Variants in ZFAT observed in about 807,000 individuals in gnomAD.
ZFAT encodes the protein zinc finger protein ZFAT.
Under a neutral mutation model 117.7 loss-of-function variants are expected in ZFAT, and 64 were observed. That is an observed-to-expected ratio of 0.54 (90% CI 0.44 to 0.67). The LOEUF (loss-of-function observed/expected upper bound fraction) is 0.67, where lower values mean the gene tolerates loss of function less well. Ranked by LOEUF, ZFAT falls within the 30% of genes least tolerant of loss-of-function variation. The pLI, the probability that ZFAT is intolerant of heterozygous loss-of-function variation, is 0.00. For missense variants in ZFAT, 1,433 were observed against 1,584.5 expected, an observed-to-expected ratio of 0.90 and a Z score of 1.62; for synonymous variants, 679 against 615.0, an observed-to-expected ratio of 1.10 and a Z score of -1.54.
intron 2 of ZFAT, among the ~76,000 whole-genome samples, chr8:134,640,216 A>G (rs1198822153): frequency 6.6e-6 from 1 of 152,212 alleles, no homozygotes; most frequent in Non-Finnish European, 1.5e-5. Flanking sequence ...TTATTCTAGC[A>G]AATTATCAAA....
chr8:134,599,622 C>T (rs918779801), intron 7 of ZFAT: 3 of 381,360 alleles, frequency 7.9e-6, no homozygotes, highest in Admixed American at 7.0e-5. Flanking sequence ...TAGTGACAAA[C>T]TGTTATGATT....
At chr8:134,759,447 T>C in the ZFAT span, among the ~76,000 whole-genome samples, 1 of 152,216 alleles carries the variant, frequency 6.6e-6, no homozygotes, top group Non-Finnish European at 1.5e-5. Context: ...AGATTCCTAT[T>C]ATCTGGGACA....
At chr8:134,487,053 T>A (rs1484486896) in intron 15 of ZFAT, among the ~76,000 whole-genome samples, 1 of 152,214 alleles carries the variant, frequency 6.6e-6, no homozygotes, top group South Asian at 2.1e-4. Context: ...TACGTGGATA[T>A]CCATGCTTAT....
intron 1 of ZFAT, among the ~76,000 whole-genome samples, chr8:134,706,208 G>A (rs1417535034): frequency 6.6e-6 from 1 of 152,230 alleles, no homozygotes; most frequent in Non-Finnish European, 1.5e-5. Flanking sequence ...AAAAAGGCTT[G>A]TACGGGAACA....
rs770279771 is a variant in ZFAT at position 134,565,361 on chromosome 8, C to T, written c.2948G>A (p.Arg983Gln). ...GAAGGAGACATGCTGTTCCATGTGC[C>T]GCAGCAGCTGTGGCTTCTGGGCCGC... is the stretch of plus-strand genomic sequence containing the variant. ...YTAAQKPQLL[R>Q]HMEQHVSFKP... The change falls in exon 11 of 16, where the codon CGG becomes CAG. Residue 983 changes from arginine to glutamine, a missense_variant. Arg to Gln is a conservative substitution (Grantham distance 43). Transcript: ENST00000377838. The T allele has an allele frequency of 2.7e-5, 44 of 1,613,768 alleles. No individual in the cohort carries two copies. Among genetic ancestry groups the T allele is most frequent in the Middle Eastern group, 1.6e-4 (1 of 6,084 alleles).
the ZFAT span, among the ~76,000 whole-genome samples, chr8:134,721,045 A>G: frequency 6.6e-6 from 1 of 152,202 alleles, no homozygotes; most frequent in African/African-American, 2.4e-5. Context: ...ACATGAGCTC[A>G]TCCATCCCGG....
chr8:134,826,977 C>A, the ZFAT span, among the ~76,000 whole-genome samples: 39 of 152,100 alleles, frequency 2.6e-4, no homozygotes, highest in Non-Finnish European at 5.4e-4. Context: ...GAAAGAAAAC[C>A]CTTTAGGGAG....
the ZFAT span, among the ~76,000 whole-genome samples, chr8:134,813,479 T>A: frequency 6.6e-6 from 1 of 152,208 alleles, no homozygotes; most frequent in Non-Finnish European, 1.5e-5. Flanking sequence ...AATGGCGCAA[T>A]CTCAGTTCAC....
In ZFAT at chr8:134,478,607, C is replaced by T. The variant is rs1817049522; in HGVS notation, c.3607G>A (p.Glu1203Lys). The change falls in exon 16 of 16, where the codon GAG (glutamate) becomes AAG (lysine). Residue 1203 changes from glutamate (E) to lysine (K), a missense_variant. Glu to Lys is a moderately conservative substitution (Grantham distance 56). Transcript: ENST00000377838. This position sits in a 1 kb window ranked among gnomAD's most constrained non-coding sequence, Gnocchi z 5.2. Reference protein sequence around the residue: ...HHLVVSSDDVEGIETVTVYTQ... With the variant: ...HHLVVSSDDVKGIETVTVYTQ... ...TAGACAGTCACCGTCTCAATGCCCTCCACGTCGTCGGAGGACACCACCAGG... is the reference window on the plus strand; with the variant it reads ...TAGACAGTCACCGTCTCAATGCCCTTCACGTCGTCGGAGGACACCACCAGG... 1 of 1,589,542 alleles carries T rather than the reference C, an allele frequency of 6.3e-7. No individual in the cohort carries two copies. The highest frequency in any genetic ancestry group is 8.6e-7 in the Non-Finnish European group (1 of 1,168,378).
chr8:134,661,076 G>A (rs1831901498), intron 1 of ZFAT, among the ~76,000 whole-genome samples: 1 of 152,244 alleles, frequency 6.6e-6, no homozygotes, highest in Non-Finnish European at 1.5e-5. Context: ...CACGTGACGT[G>A]GGCCATGAGA....
intron 9 of ZFAT, among the ~76,000 whole-genome samples, chr8:134,586,840 C>T (rs1228050759): frequency 6.6e-6 from 1 of 152,198 alleles, no homozygotes; most frequent in Non-Finnish European, 1.5e-5. Flanking sequence ...TGGTTCAAAT[C>T]CCAGTTCCAC....
rs762107683 is a variant in ZFAT at position 134,637,703 on chromosome 8, A to C, written c.206T>G (p.Val69Gly). 7.4e-6 allele frequency: 12 copies of C among 1,613,586 alleles called. No individual in the cohort carries two copies. Among genetic ancestry groups the C allele is most frequent in the Non-Finnish European group, 1.0e-5 (12 of 1,179,870 alleles). Residue 69 changes from valine to glycine, a missense_variant, in exon 3 of 16, where the codon GTC becomes GGC. Transcript: ENST00000377838. The stretch of plus-strand genomic sequence containing the variant: ...AGGCCTGCCTCTCTTCCTCTTCATG[A>C]CCAAAAACTCTACAGAGGAAACAAG... ...NSSKTGDEFLVMKRKRGRPKG... is the reference protein window; with the variant it reads ...NSSKTGDEFLGMKRKRGRPKG...
At chr8:134,726,676 C>T in the ZFAT span, among the ~76,000 whole-genome samples, 224 of 152,266 alleles carry the variant, frequency 1.5e-3, 3 homozygotes, top group African/African-American at 5.1e-3. Flanking sequence ...CTCACTGCAA[C>T]CTCCACCTCC....
the ZFAT span, among the ~76,000 whole-genome samples, chr8:134,823,506 T>C: frequency 1.3e-5 from 2 of 152,288 alleles, no homozygotes; most frequent in East Asian, 1.9e-4. Context: ...TATCATTGTG[T>C]TCATTTTACT....
At chr8:134,598,930 G>A (rs888542511) in intron 7 of ZFAT, 4 of 152,274 alleles carry the variant, frequency 2.6e-5, no homozygotes, top group African/African-American at 9.6e-5. Flanking sequence ...AGGGAGCCAG[G>A]GTGAAAACCC....
At chr8:134,726,123 G>A in the ZFAT span, among the ~76,000 whole-genome samples, 3 of 151,952 alleles carry the variant, frequency 2.0e-5, no homozygotes, top group Non-Finnish European at 2.9e-5. Flanking sequence ...ATATGGGTCC[G>A]CAGCAACGTG....
chr8:134,607,422 C>T (rs947223082), intron 5 of ZFAT, among the ~76,000 whole-genome samples: 44 of 152,206 alleles, frequency 2.9e-4, no homozygotes, highest in African/African-American at 1.0e-3. Flanking sequence ...CATATTTTAT[C>T]TCTTATTCTC....
chr8:134,583,226 C>G (rs1048330165), intron 10 of ZFAT, among the ~76,000 whole-genome samples: 22 of 152,146 alleles, frequency 1.4e-4, no homozygotes, highest in African/African-American at 5.1e-4. Context: ...ATTACGAACT[C>G]CTTGAACGCA....
intron 1 of ZFAT, among the ~76,000 whole-genome samples, chr8:134,679,133 T>A (rs1832942376): frequency 2.6e-5 from 4 of 151,974 alleles, no homozygotes; most frequent in African/African-American, 9.7e-5. Context: ...AAAGAAACTA[T>A]CATCAGAGTC....
Sources: gnomAD v4.1 joint callset for allele counts (sites outside exome capture counted in the v4.1 genomes callset) on GRCh38, gnomAD v4.1.1 for gene constraint, Gnocchi (gnomAD v3.1) non-coding constraint, MANE v1.5 for transcripts, NCBI Gene and HGNC (gene_info 2026-07-23, HGNC 2026-07-21) for gene names.